Variants in SULF1 observed in about 807,000 individuals in gnomAD.
SULF1 encodes the protein sulfatase 1, also known as extracellular sulfatase Sulf-1.
A neutral mutation model predicts 110.5 loss-of-function variants in SULF1; 46 were observed. The ratio of observed to expected loss-of-function variants is 0.42; its 90% CI spans 0.33 to 0.53. SULF1 has a LOEUF of 0.53. SULF1 is among the 20% of genes least tolerant of loss of function. The probability of loss-of-function intolerance (pLI) is 0.12; values close to 1 mark genes in which losing one functional copy is unlikely to be tolerated. For missense variants in SULF1, 941 were observed against 1,094.2 expected, an observed-to-expected ratio of 0.86 and a Z score of 1.98; for synonymous variants, 371 against 387.1, an observed-to-expected ratio of 0.96 and a Z score of 0.49.
intron 3 of SULF1, among the ~76,000 whole-genome samples, chr8:69,510,675 C>T (rs564870304): frequency 1.3e-5 from 2 of 149,276 alleles, no homozygotes; most frequent in Non-Finnish European, 3.0e-5. Context: ...GCAGTGCAGT[C>T]GTGTGATCTT....
chr8:69,597,203 A>G (rs1435325440), intron 8 of SULF1: 1 of 152,262 alleles, frequency 6.6e-6, no homozygotes, highest in Non-Finnish European at 1.5e-5. Context: ...AGAAGGCCGC[A>G]TCTTCGAGGA....
At chr8:69,548,012 C>CA (rs1814408472) in intron 3 of SULF1, among the ~76,000 whole-genome samples, 1 of 152,114 alleles carries the variant, frequency 6.6e-6, no homozygotes, top group Non-Finnish European at 1.5e-5. Flanking sequence ...AACCAGCCAG[C>CA]AAAAACAGGG....
intron 19 of SULF1, among the ~76,000 whole-genome samples, chr8:69,631,516 C>T (rs1477854042): frequency 6.6e-6 from 1 of 152,192 alleles, no homozygotes. Context: ...TGATCGTGCC[C>T]TCACACTCCA....
intron 13 of SULF1, among the ~76,000 whole-genome samples, chr8:69,605,800 A>G (rs4737999): frequency 0.77 from 116,648 of 152,152 alleles, 45,289 homozygotes; most frequent in African/African-American, 0.88. Flanking sequence ...CATCAGGCAC[A>G]GTACGCAGGA....
chr8:69,650,510 C>G (rs191348285), intron 22 of SULF1, among the ~76,000 whole-genome samples: 30 of 152,232 alleles, frequency 2.0e-4, no homozygotes, highest in African/African-American at 7.0e-4. Context: ...TGGGCTTAGT[C>G]CCAGCACCTG....
intron 2 of SULF1, 115 bp from the exon 3 acceptor site, chr8:69,501,759 G>A (rs1810813395): frequency 6.6e-6 from 1 of 152,166 alleles, no homozygotes; most frequent in African/African-American, 2.4e-5. Context: ...GAAATTTAGA[G>A]AATATTGTTC....
rs141225696 is a variant in SULF1 at position 69,554,978 on chromosome 8, C to CAA, written c.-133-8542_-133-8541dup. ...TGGGCGACAGGGCGAGATTCCATCT[C>CAA]AAAAAAAAAAAAAAAAAAAACAAAA... is the stretch of plus-strand genomic sequence containing the variant. On this transcript the variant is annotated intron_variant, in intron 3 of 22. Transcript: ENST00000402687. Among the ~76,000 whole-genome samples, 128 of 63,462 alleles carry CAA rather than the reference C, an allele frequency of 2.0e-3. 21 individuals are homozygous for CAA. Among genetic ancestry groups the CAA allele is most frequent in the African/African-American group, 7.1e-3 (71 of 10,056 alleles). 41.6% of individuals were successfully genotyped at this position (63,462 alleles called of 152,430 possible). A position where few individuals can be genotyped will look rare whatever the true frequency, so the allele number is the denominator to read the frequency against.
chr8:69,603,047 G>C (rs1252133039), intron 10 of SULF1, 145 bp from the exon 11 acceptor site: 1 of 1,143,122 alleles, frequency 8.7e-7, no homozygotes, highest in Non-Finnish European at 1.3e-6. Context: ...ACCCACCCTT[G>C]CCACACAACT....
At chr8:69,588,918 T>C (rs1806666878) in intron 7 of SULF1, 54 bp from the exon 8 acceptor site, 3 of 1,553,260 alleles carry the variant, frequency 1.9e-6, no homozygotes, top group Non-Finnish European at 2.6e-6. Context: ...TCAAATGCGA[T>C]CTGATGAATG....
chr8:69,501,722 A>G (rs1017949156), intron 2 of SULF1, among the ~76,000 whole-genome samples, 152 bp from the exon 3 acceptor site: 3 of 152,218 alleles, frequency 2.0e-5, no homozygotes, highest in Non-Finnish European at 4.4e-5. Context: ...GACTCTTGCG[A>G]GTGATTGTAA....
intron 1 of SULF1, among the ~76,000 whole-genome samples, chr8:69,469,552 A>G (rs1212332848): frequency 6.6e-6 from 1 of 152,232 alleles, no homozygotes; most frequent in Non-Finnish European, 1.5e-5. Flanking sequence ...TCAGGAAACT[A>G]GAAGGGTTCT....
upstream of SULF1, among the ~76,000 whole-genome samples, chr8:69,488,157 T>C (rs532321354): frequency 7.2e-5 from 11 of 152,310 alleles, no homozygotes; most frequent in Admixed American, 6.5e-4. Flanking sequence ...AAATAACATC[T>C]AAAGCTTTGT....
At chr8:69,488,962 A>G (rs1252931816), upstream of SULF1, among the ~76,000 whole-genome samples, 2 of 152,084 alleles carry the variant, frequency 1.3e-5, no homozygotes, top group South Asian at 4.1e-4. Flanking sequence ...AGTAAAACCC[A>G]TAAGGTTGAA....
At chr8:69,609,732 C>T (rs548357452) in intron 13 of SULF1, among the ~76,000 whole-genome samples, 12 of 152,318 alleles carry the variant, frequency 7.9e-5, no homozygotes, top group Non-Finnish European at 1.3e-4. Context: ...TCACCACTCA[C>T]GGTGGTTCTC....
chr8:69,633,022 G>GAAAAAA, intron 19 of SULF1, among the ~76,000 whole-genome samples: 1 of 96,948 alleles, frequency 1.0e-5, no homozygotes, highest in South Asian at 3.2e-4. Flanking sequence ...CATGTCAGAA[G>GAAAAAA]AAAAAAAAAA....
intron 3 of SULF1, 60 bp downstream of exon 3, chr8:69,502,028 C>CT (rs1810833539): frequency 6.6e-6 from 1 of 152,208 alleles, no homozygotes; most frequent in Non-Finnish European, 1.5e-5. Flanking sequence ...CTCTATGTCA[C>CT]TTGAAGAGGG....
chr8:69,587,920 A>G (rs1192302358), intron 7 of SULF1, among the ~76,000 whole-genome samples: 2 of 152,042 alleles, frequency 1.3e-5, no homozygotes, highest in Non-Finnish European at 2.9e-5. Flanking sequence ...TGAAACAGAC[A>G]CTCCCTTGGA....
chr8:69,515,380 G>A (rs1811859665), intron 3 of SULF1, among the ~76,000 whole-genome samples: 2 of 152,212 alleles, frequency 1.3e-5, no homozygotes, highest in African/African-American at 4.8e-5. Context: ...AGCCATGGCT[G>A]GAGTTGGAGC....
At chr8:69,488,244 A>C (rs534363154), upstream of SULF1, among the ~76,000 whole-genome samples, 1 of 152,224 alleles carries the variant, frequency 6.6e-6, no homozygotes, top group Admixed American at 6.5e-5. Flanking sequence ...GTCTATTACA[A>C]TCTCTTGCCT....
Sources: allele counts gnomAD v4.1 joint callset (sites outside exome capture counted in the v4.1 genomes callset), GRCh38; gene constraint gnomAD v4.1.1; transcripts MANE v1.5; gene names NCBI Gene and HGNC (gene_info 2026-07-23, HGNC 2026-07-21).